Variants in ATM observed in about 807,000 individuals in gnomAD.
The protein encoded by ATM is serine-protein kinase ATM.
ATM carries 308 observed loss-of-function variants against 387.0 expected under a neutral mutation model. The ratio of observed to expected loss-of-function variants is 0.80; its 90% CI spans 0.73 to 0.87. The LOEUF (loss-of-function observed/expected upper bound fraction) is 0.87, where lower values mean the gene tolerates loss of function less well. Among genes scored for constraint, ATM ranks in the 40% least tolerant of loss-of-function variants. The probability of loss-of-function intolerance (pLI) is 0.00; values close to 1 mark genes in which losing one functional copy is unlikely to be tolerated. For synonymous variants in ATM, 1,156 were observed against 1,187.3 expected, an observed-to-expected ratio of 0.97 and a Z score of 0.54; for missense variants, 3,312 against 3,560.9, an observed-to-expected ratio of 0.93 and a Z score of 1.78.
intron 6 of ATM, 44 bp downstream of exon 6, chr11:108,244,162 T>C (rs1322497751): frequency 3.7e-6 from 6 of 1,605,986 alleles, no homozygotes; most frequent in South Asian, 1.1e-5. Context: ...GAAATACTTT[T>C]GATCTTGCAA....
At chr11:108,346,840 G>T (rs1190450235) in intron 58 of ATM, among the ~76,000 whole-genome samples, 1 of 152,088 alleles carries the variant, frequency 6.6e-6, no homozygotes, top group African/African-American at 2.4e-5. Flanking sequence ...TGATTAATTT[G>T]TGTTAAATAT....
rs1064795257 is a variant in ATM at position 108,251,902 on chromosome 11, G to A, written c.1673G>A (p.Gly558Glu). Residue 558 changes from glycine to glutamate, a missense_variant, in exon 11 of 63, where the codon GGA (glycine) becomes GAA (glutamate). Around this residue, in one of 4 missense-constraint regions of ATM, gnomAD observed 1,791 missense variants for 1,804.5 expected, o/e 0.99. Transcript: ENST00000675843. ...TSIVPGTVKM[G>E]IEQNMCEVNR... ...ATAGTTCCAGGAACGGTAAAAATGGGAATAGAGCAAAATATGTGTGAAGTA... is the reference window on the plus strand; with the variant it reads ...ATAGTTCCAGGAACGGTAAAAATGGAAATAGAGCAAAATATGTGTGAAGTA... The A allele has an allele frequency of 6.2e-7, 1 of 1,613,924 alleles. No homozygotes were observed. The highest frequency in any genetic ancestry group is 1.1e-5 in the South Asian group (1 of 91,070).
rs1319466615 is a variant in ATM at position 108,304,992 on chromosome 11, A to G, written c.5674+140A>G. ...TTGTTTCTTCATCTATGGAATGGAG[A>G]TAAAAGTTGCCAACAGTTGCAACAA... On this transcript the variant is annotated intron_variant, in intron 37 of 62. Transcript: ENST00000675843. The G allele has an allele frequency of 9.2e-6, 10 of 1,084,052 alleles. No homozygotes were observed. In the Admixed American group the frequency reaches 2.0e-4, roughly 22 times the overall value. The allele number at this position is 1,084,052 out of a possible 1,614,324, so 67.2% of individuals were successfully genotyped here. A position where few individuals can be genotyped will look rare whatever the true frequency, so the allele number is the denominator to read the frequency against.
At chr11:108,275,852 C>A (rs2081917136) in intron 22 of ATM, among the ~76,000 whole-genome samples, 1 of 152,056 alleles carries the variant, frequency 6.6e-6, no homozygotes, top group Non-Finnish European at 1.5e-5. Flanking sequence ...TGGGGTTGCT[C>A]TTCTAGAGGA....
intron 22 of ATM, among the ~76,000 whole-genome samples, chr11:108,273,654 G>A (rs1443467046): frequency 6.6e-6 from 1 of 151,920 alleles, no homozygotes; most frequent in African/African-American, 2.4e-5. Flanking sequence ...TTTGTCATTC[G>A]TTCTGTTTAT....
intron 56 of ATM, 168 bp downstream of exon 56, chr11:108,336,129 T>A: frequency 1.7e-6 from 1 of 573,290 alleles, no homozygotes; most frequent in Non-Finnish European, 3.1e-6. Context: ...AGACCCCATC[T>A]TGACAAAAAG....
intron 34 of ATM, 109 bp from the exon 35 acceptor site, chr11:108,301,539 T>A: frequency 7.4e-7 from 1 of 1,347,362 alleles, no homozygotes; most frequent in Non-Finnish European, 1.0e-6. Flanking sequence ...ATGTAAAGTT[T>A]CCTAATACAA....
rs551408889 is a variant in ATM, at chr11:108,320,000, C to G, written c.6394C>G (p.Leu2132Val). Residue 2132 changes from leucine (L) to valine (V), a missense_variant, in exon 44 of 63, where the codon CTA becomes GTA. Around this residue, in one of 4 missense-constraint regions of ATM, gnomAD observed 1,405 missense variants for 1,604.4 expected, o/e 0.88. Coordinates refer to ENST00000675843, the MANE Select transcript of ATM (RefSeq NM_000051.4). ...TTACCATGAATCATTGTACAATGCT[C>G]TACAATCTCTAAGAGACAGAGAATT... ...TSYHESLYNA[L>V]QSLRDREFST... 1 of 1,612,672 alleles carries G rather than the reference C, an allele frequency of 6.2e-7. No homozygotes were observed. The highest frequency in any genetic ancestry group is 8.5e-7 in the Non-Finnish European group (1 of 1,178,910).
rs1555082040 is a variant in ATM, at chr11:108,267,162, T to A, written c.2467-9T>A. ...CCATCTTGAACATCTTTGTTTCTCT[T>A]CCTTGAAGGCATCCTTCATCAAAAA... On this transcript the variant is annotated splice_polypyrimidine_tract_variant and intron_variant, in intron 16 of 62. Transcript: ENST00000675843. 3 of 1,613,662 alleles carry A rather than the reference T, an allele frequency of 1.9e-6. No individual in the cohort carries two copies. The highest frequency in any genetic ancestry group is 1.3e-5 in the African/African-American group (1 of 74,908).
chr11:108,241,340 AGAGT>A (rs992676076), intron 5 of ATM, among the ~76,000 whole-genome samples: 1 of 152,246 alleles, frequency 6.6e-6, no homozygotes, highest in Admixed American at 6.5e-5. Context: ...AAAGCATAGT[AGAGT>A]AAGTACATAA....
At position 108,281,087 on chromosome 11, in the gene ATM, C is replaced by A. The variant is rs878853505; in HGVS notation, c.3495C>A (p.Ser1165Arg). The A allele has an allele frequency of 6.2e-7, 1 of 1,613,722 alleles. No individual in the cohort carries two copies. The highest frequency in any genetic ancestry group is 8.5e-7 in the Non-Finnish European group (1 of 1,179,876). ...TGATAGCTGTGGTTTTATCCTGTAG[C>A]CCTATCTGCGAAAAACAGGCTTTGT... Reference protein sequence around the residue: ...LTLIAVVLSCSPICEKQALFA... With the variant: ...LTLIAVVLSCRPICEKQALFA... Residue 1165 changes from serine (S) to arginine (R), a missense_variant, in exon 24 of 63, where the codon AGC becomes AGA. Physicochemically the swap from Ser to Arg is moderately radical, Grantham distance 110. Transcript: ENST00000675843.
At chr11:108,254,461 A>G (rs2080350782) in intron 13 of ATM, among the ~76,000 whole-genome samples, 1 of 152,174 alleles carries the variant, frequency 6.6e-6, no homozygotes, top group African/African-American at 2.4e-5. Context: ...TGGACTAGCA[A>G]TTATTTTAGA....
chr11:108,350,813 G>A (rs902317894), intron 59 of ATM, among the ~76,000 whole-genome samples: 1 of 152,128 alleles, frequency 6.6e-6, no homozygotes, highest in Non-Finnish European at 1.5e-5. Context: ...GTCCATTCAG[G>A]TCGTGCTAAA....
rs2091469329 is a variant in ATM at position 108,369,067 on chromosome 11, A to G, written c.*3559A>G. On this transcript the variant is annotated 3_prime_UTR_variant, in exon 63 of 63. Transcript: ENST00000675843. ...TACTTTACTGTTACCTGAATTTATT[A>G]TAAAGTGTTTTTGAATAAATAATTC... The G allele has an allele frequency of 5.7e-6, 1 of 174,064 alleles. No individual in the cohort carries two copies. 10.8% of individuals were successfully genotyped at this position (174,064 alleles called of 1,614,324 possible).
In ATM at chr11:108,333,967, AG is replaced by A. The variant is rs876659350; in HGVS notation, c.8010+1del. On this transcript the variant is annotated frameshift_variant and splice_region_variant, in exon 54 of 63. Coordinates refer to ENST00000675843, the MANE Select transcript of ATM (RefSeq NM_000051.4). LOFTEE classifies it high-confidence loss of function. The part of the protein sequence containing the change: ...EDVVVPTMEI[K>X]VDHTGEYGNL... The stretch of plus-strand genomic sequence containing the variant: ...GTTGTTGTCCCTACTATGGAAATTA[AG>A]GTAATTTGCAATTAACTCTTGATTT... The A allele has an allele frequency of 1.9e-6, 3 of 1,600,190 alleles. No individual in the cohort carries two copies. Among genetic ancestry groups the A allele is most frequent in the Admixed American group, 1.7e-5 (1 of 59,954 alleles).
chr11:108,272,773 C>T lies in ATM; in HGVS notation c.3205C>T (p.Pro1069Ser), dbSNP rs751714261. The T allele has an allele frequency of 1.9e-6, 3 of 1,613,980 alleles. No homozygotes were observed. Among genetic ancestry groups the T allele is most frequent in the Non-Finnish European group, 2.5e-6 (3 of 1,179,924 alleles). ...TCTTAATGTAATGGGAAAAGACTTTCCTGTAAATGAAGTATTTACACAATT... is the reference window on the plus strand; with the variant it reads ...TCTTAATGTAATGGGAAAAGACTTTTCTGTAAATGAAGTATTTACACAATT... ...AILNVMGKDF[P>S]VNEVFTQFLA... is the part of the protein sequence containing the mutation. The change falls in exon 22 of 63, where the codon CCT becomes TCT. Residue 1069 changes from proline (P) to serine (S), a missense_variant. Pro to Ser is a moderately conservative substitution (Grantham distance 74). Coordinates refer to ENST00000675843, the MANE Select transcript of ATM (RefSeq NM_000051.4).
intron 8 of ATM, 59 bp downstream of exon 8, chr11:108,247,186 G>C (rs2079897243): frequency 6.4e-7 from 1 of 1,565,340 alleles, no homozygotes; most frequent in East Asian, 2.3e-5. Flanking sequence ...TTTTTAAACT[G>C]GGCATTTTGG....
At chr11:108,348,828 C>A (rs1328569997) in intron 59 of ATM, among the ~76,000 whole-genome samples, 1 of 152,104 alleles carries the variant, frequency 6.6e-6, no homozygotes, top group Non-Finnish European at 1.5e-5. Context: ...TAGGAGAATT[C>A]TCTTCTGCAT....
At chr11:108,287,314 G>A (rs1359898142) in intron 26 of ATM, 1 of 218,280 alleles carries the variant, frequency 4.6e-6, no homozygotes, top group Non-Finnish European at 9.0e-6. Context: ...ACAACTTAAT[G>A]ATAGACCTGA....
Sources: allele counts gnomAD v4.1 joint callset (sites outside exome capture counted in the v4.1 genomes callset), GRCh38; gene constraint gnomAD v4.1.1; regional missense constraint gnomAD v4.1.1; transcripts MANE v1.5; gene names NCBI Gene and HGNC (gene_info 2026-07-23, HGNC 2026-07-21).